MTMR10: variants seen among roughly 807,000 people sequenced by gnomAD.
MTMR10 encodes the protein myotubularin-related protein 10.
MTMR10 carries 56 observed loss-of-function variants against 88.1 expected under a neutral mutation model. That is an observed-to-expected ratio of 0.64 (90% CI 0.51 to 0.79). The LOEUF (loss-of-function observed/expected upper bound fraction) is 0.79, where lower values mean the gene tolerates loss of function less well. Ranked by LOEUF, MTMR10 falls within the 30% of genes least tolerant of loss-of-function variation. The pLI is 0.00. For synonymous variants in MTMR10, 380 were observed against 340.9 expected (o/e 1.11, Z -1.26); for missense variants, 883 against 924.7 (o/e 0.95, Z 0.58).
chr15:30,925,437 A>G, the MTMR10 span: 3 of 810,756 alleles, frequency 3.7e-6, no homozygotes, highest in Non-Finnish European at 5.7e-6. Context: ...CTGTGTGGCC[A>G]TTGCTCCCAG....
At position 30,939,158 on chromosome 15, in the gene MTMR10, C is replaced by G; in HGVS notation, c.*2312G>C. 1.1e-5 allele frequency: 11 copies of G among 985,316 alleles called. No homozygotes were observed. Among genetic ancestry groups the G allele is most frequent in the Non-Finnish European group, 1.3e-5 (11 of 829,838 alleles). 61.0% of individuals were successfully genotyped at this position (985,316 alleles called of 1,614,324 possible). A position where few individuals can be genotyped will look rare whatever the true frequency, so the allele number is the denominator to read the frequency against. ...TTGACAAATGTGAACAGCTTTCACCCTCTGTTAGTACAAATTAATATCCTT... is the reference window on the plus strand; with the variant it reads ...TTGACAAATGTGAACAGCTTTCACCGTCTGTTAGTACAAATTAATATCCTT... On this transcript the variant is annotated 3_prime_UTR_variant, in exon 16 of 16. Coordinates refer to ENST00000435680, the MANE Select transcript of MTMR10 (RefSeq NM_017762.3).
At chr15:30,966,258 T>C (rs547611668) in intron 6 of MTMR10, among the ~76,000 whole-genome samples, 2 of 152,352 alleles carry the variant, frequency 1.3e-5, no homozygotes, top group African/African-American at 4.8e-5. Flanking sequence ...ATTTTAAAAT[T>C]CCAGTAGTAG....
the MTMR10 span, among the ~76,000 whole-genome samples, chr15:30,921,018 A>G: frequency 6.6e-6 from 1 of 152,202 alleles, no homozygotes; most frequent in Non-Finnish European, 1.5e-5. Flanking sequence ...TCCTGGGCTC[A>G]AGTGATTTGC....
Position 30,941,564 on chromosome 15 carries a change from A to G in MTMR10, c.2240T>C (p.Leu747Pro). 6.2e-7 allele frequency: 1 copy of G among 1,602,166 alleles called. No homozygotes were observed. The highest frequency in any genetic ancestry group is 8.5e-7 in the Non-Finnish European group (1 of 1,173,746). Reference protein sequence around the residue: ...SSFPFSPVGNLCRRSILGTPL... With the variant: ...SSFPFSPVGNPCRRSILGTPL... ...TGTTCCTAAAATGCTTCGTCTGCAC[A>G]GATTCCCTACAGGAGAAAATGGAAA... is the stretch of plus-strand genomic sequence containing the variant. Residue 747 changes from leucine to proline, a missense_variant, in exon 16 of 16, where the codon CTG becomes CCG. Leu to Pro is a moderately conservative substitution (Grantham distance 98, BLOSUM62 -3). Coordinates refer to ENST00000435680, the MANE Select transcript of MTMR10 (RefSeq NM_017762.3).
intron 14 of MTMR10, chr15:30,943,385 A>T: frequency 1.0e-6 from 1 of 984,692 alleles, no homozygotes; most frequent in Non-Finnish European, 1.2e-6. Context: ...AAAGTCTTAA[A>T]CATGTTGAAT....
chr15:30,932,130 G>A, the MTMR10 span, among the ~76,000 whole-genome samples: 7 of 150,018 alleles, frequency 4.7e-5, no homozygotes, highest in African/African-American at 1.5e-4. Context: ...GCTGAGGCAG[G>A]AGAATCGCTT....
At chr15:30,947,451 C>G (rs1349119412) in intron 13 of MTMR10, among the ~76,000 whole-genome samples, 151 bp from the exon 14 acceptor site, 1 of 152,154 alleles carries the variant, frequency 6.6e-6, no homozygotes, top group Non-Finnish European at 1.5e-5. Flanking sequence ...CTATACACAT[C>G]TATCAAACCC....
At chr15:30,953,344 A>AAT (rs2063277477) in intron 11 of MTMR10, among the ~76,000 whole-genome samples, 1 of 152,194 alleles carries the variant, frequency 6.6e-6, no homozygotes, top group Non-Finnish European at 1.5e-5. Flanking sequence ...GCATGCACAC[A>AAT]GACGACAGCA....
chr15:30,959,959 G>A (rs1013849084), intron 7 of MTMR10, among the ~76,000 whole-genome samples: 1 of 152,118 alleles, frequency 6.6e-6, no homozygotes, highest in Non-Finnish European at 1.5e-5. Flanking sequence ...AGATCCCCTA[G>A]GGAACCAGCT....
chr15:30,950,197 ACT>A (rs1460963026), intron 12 of MTMR10: 3 of 152,226 alleles, frequency 2.0e-5, no homozygotes, highest in African/African-American at 7.2e-5. Context: ...GAGAACACCC[ACT>A]GGATGAGAGA....
rs778900129 is a variant in MTMR10 at position 30,959,107 on chromosome 15, A to G, written c.773T>C (p.Ile258Thr). The change falls in exon 8 of 16, where the codon ATT (isoleucine) becomes ACT (threonine). Residue 258 changes from isoleucine (I) to threonine (T), a missense_variant. Ile to Thr is a moderately conservative substitution (Grantham distance 89, BLOSUM62 -1). This residue lies in a region of MTMR10 where 414 missense variants were observed against 423.2 expected (regional missense o/e 0.98). Coordinates refer to ENST00000435680, the MANE Select transcript of MTMR10 (RefSeq NM_017762.3). ...YMISTCLPEY[I>T]VVPSSLADQD... is the part of the protein sequence containing the mutation. ...GTCTGCTAAAGAACTTGGCACTACA[A>G]TGTATTCTGGAAGGCTGGAGGGGAA... 3.1e-6 allele frequency: 5 copies of G among 1,598,698 alleles called. No individual in the cohort carries two copies. The African/African-American group carries it at 6.7e-5, about 22-fold the overall frequency.
chr15:30,932,008 G>A, the MTMR10 span, among the ~76,000 whole-genome samples: 7 of 151,538 alleles, frequency 4.6e-5, no homozygotes, highest in East Asian at 9.8e-4. Flanking sequence ...GGATCACGAG[G>A]TCAGGAGATT....
chr15:30,934,763 T>C (rs2062806451), downstream of MTMR10, among the ~76,000 whole-genome samples: 1 of 152,246 alleles, frequency 6.6e-6, no homozygotes. Flanking sequence ...GTTGCGTTAG[T>C]ATATTATATA....
chr15:30,936,289 T>C (rs2140969599), downstream of MTMR10, among the ~76,000 whole-genome samples: 1 of 152,194 alleles, frequency 6.6e-6, no homozygotes, highest in East Asian at 1.9e-4. Context: ...AGCTGAGCAT[T>C]GAAAGGTAAG....
At chr15:30,960,236 C>T (rs553520816) in intron 7 of MTMR10, among the ~76,000 whole-genome samples, 3 of 151,080 alleles carry the variant, frequency 2.0e-5, no homozygotes, top group Non-Finnish European at 4.4e-5. Flanking sequence ...CAGGTTGACA[C>T]CCTCTAAGCC....
At chr15:30,948,180 G>T in intron 13 of MTMR10, 122 bp downstream of exon 13, 3 of 869,868 alleles carry the variant, frequency 3.4e-6, no homozygotes, top group East Asian at 2.8e-5. Flanking sequence ...GTTAGCTTTG[G>T]ACTAAGGAAA....
chr15:30,922,840 C>T, the MTMR10 span, among the ~76,000 whole-genome samples: 2 of 152,216 alleles, frequency 1.3e-5, no homozygotes, highest in South Asian at 2.1e-4. Context: ...TTTGCTCTGC[C>T]ATTTGGAAGC....
At position 30,938,978 on chromosome 15, in the gene MTMR10, TC is replaced by T; in HGVS notation, c.*2491del. The stretch of plus-strand genomic sequence containing the variant: ...GGAATTTTATTAAGCCATCAAAATT[TC>T]CTTCACATTCAATACTGTTGAACAA... On this transcript the variant is annotated 3_prime_UTR_variant, in exon 16 of 16. Transcript: ENST00000435680. 1.0e-6 allele frequency: 1 copy of T among 985,350 alleles called. No individual in the cohort carries two copies. Among genetic ancestry groups the T allele is most frequent in the Non-Finnish European group, 1.2e-6 (1 of 829,866 alleles). 61.0% of individuals were successfully genotyped at this position (985,350 alleles called of 1,614,324 possible). A position where few individuals can be genotyped will look rare whatever the true frequency, so the allele number is the denominator to read the frequency against.
At chr15:30,927,046 T>A in the MTMR10 span, 1 of 982,936 alleles carries the variant, frequency 1.0e-6, no homozygotes, top group Non-Finnish European at 1.2e-6. Flanking sequence ...GCACGGTAGC[T>A]TACACTTGTA....
Sources: gnomAD v4.1 joint callset for allele counts (sites outside exome capture counted in the v4.1 genomes callset) on GRCh38, gnomAD v4.1.1 for gene constraint, gnomAD v4.1.1 regional missense constraint, MANE v1.5 for transcripts, NCBI Gene and HGNC (gene_info 2026-07-23, HGNC 2026-07-21) for gene names.